The following STON1 variants were observed in gnomAD, a reference collection of about 807,000 sequenced individuals.
STON1 encodes stonin-1.
Under a neutral mutation model 60.9 loss-of-function variants are expected in STON1, and 79 were observed. The observed-to-expected ratio is 1.30, with a 90% CI of 1.08 to 1.56. STON1 has a LOEUF of 1.56. STON1 is among the 40% of genes most tolerant of loss of function. The pLI, the probability that STON1 is intolerant of heterozygous loss-of-function variation, is 0.00. For missense variants in STON1, 1,166 were observed against 858.9 expected (o/e 1.36, Z -4.47); for synonymous variants, 363 against 306.9 (o/e 1.18, Z -1.91).
rs776637856 is a variant in STON1 at position 48,564,733 on chromosome 2, C to CTTTT, written c.-47-15840_-47-15837dup. Among the ~76,000 whole-genome samples the CTTTT allele has an allele frequency of 1.0e-3, 105 of 100,880 alleles. 5 individuals are homozygous for CTTTT. Among genetic ancestry groups the CTTTT allele is most frequent in the Non-Finnish European group, 1.4e-3 (71 of 49,814 alleles). 66.2% of individuals were successfully genotyped at this position (100,880 alleles called of 152,430 possible). A position where few individuals can be genotyped will look rare whatever the true frequency, so the allele number is the denominator to read the frequency against. ...TTATTTCTTCTTTCTTTCTTTCTTT[C>CTTTT]TTTTTTTTTTTTTTTTTAAGATGGA... On this transcript the variant is annotated intron_variant, in intron 1 of 3. Transcript: ENST00000404752.
At chr2:48,556,821 C>T (rs9711314) in intron 1 of STON1, among the ~76,000 whole-genome samples, 6 of 64,740 alleles carry the variant, frequency 9.3e-5, no homozygotes, top group African/African-American at 2.2e-4. Context: ...CCCTCCCGGA[C>T]GGGGCGGCTG....
chr2:48,545,077 A>T (rs746094806), intron 1 of STON1, among the ~76,000 whole-genome samples: 3 of 152,190 alleles, frequency 2.0e-5, no homozygotes, highest in Admixed American at 6.5e-5. Context: ...GGTCATTCTC[A>T]GCAGCACACT....
At chr2:48,551,766 T>C (rs1672117149) in intron 1 of STON1, among the ~76,000 whole-genome samples, 1 of 152,176 alleles carries the variant, frequency 6.6e-6, no homozygotes, top group Non-Finnish European at 1.5e-5. Context: ...TTACCAAACA[T>C]TGATTGGACT....
At chr2:48,542,645 C>CTA (rs1261760481) in intron 1 of STON1, among the ~76,000 whole-genome samples, 1 of 152,154 alleles carries the variant, frequency 6.6e-6, no homozygotes, top group Non-Finnish European at 1.5e-5. Context: ...TGGCTCAAGC[C>CTA]TATAATTCCA....
At chr2:48,585,979 G>C (rs3792238) in intron 2 of STON1, among the ~76,000 whole-genome samples, 93,681 of 152,212 alleles carry the variant, frequency 0.62, 29,224 homozygotes, top group Non-Finnish European at 0.64. Flanking sequence ...CACGTGGTGT[G>C]AGAGGGACAA....
Position 48,591,676 on chromosome 2 carries a change from T to C in STON1, c.1954T>C (p.Ser652Pro). 6.2e-7 allele frequency: 1 copy of C among 1,614,114 alleles called. No homozygotes were observed. The highest frequency in any genetic ancestry group is 8.5e-7 in the Non-Finnish European group (1 of 1,180,028). Residue 652 changes from serine to proline, a missense_variant, in exon 3 of 4, where the codon TCA becomes CCA. By Grantham distance (74) the Ser-to-Pro change is moderately conservative. Coordinates refer to ENST00000404752, the MANE Select transcript of STON1 (RefSeq NM_006873.4). ...NSSLDHPHCLSYKLELGSDQE... is the reference protein window; with the variant it reads ...NSSLDHPHCLPYKLELGSDQE... The stretch of plus-strand genomic sequence containing the variant: ...AGGTCTAGATCATCCCCATTGTCTG[T>C]CATACAAATTAGAGCTTGGATCAGA...
At chr2:48,552,489 G>A (rs932505994) in intron 1 of STON1, among the ~76,000 whole-genome samples, 2 of 152,166 alleles carry the variant, frequency 1.3e-5, no homozygotes, top group Non-Finnish European at 2.9e-5. Flanking sequence ...CAGGCCGGGT[G>A]TGGTGGCTCA....
intron 1 of STON1, among the ~76,000 whole-genome samples, chr2:48,575,299 T>C (rs984684688): frequency 3.9e-5 from 6 of 152,234 alleles, no homozygotes; most frequent in Non-Finnish European, 7.3e-5. Flanking sequence ...CTGTTGACTA[T>C]TGTAAATAAT....
chr2:48,566,980 A>G (rs1420031215), intron 1 of STON1, among the ~76,000 whole-genome samples: 1 of 152,160 alleles, frequency 6.6e-6, no homozygotes, highest in Non-Finnish European at 1.5e-5. Flanking sequence ...ACTATTCTCT[A>G]AATTTAGGAA....
chr2:48,570,338 T>TA (rs1033636588), intron 1 of STON1, among the ~76,000 whole-genome samples: 64 of 145,934 alleles, frequency 4.4e-4, no homozygotes, highest in Middle Eastern at 3.5e-3. Context: ...AGTCTCAAAT[T>TA]AAAAAAAAAA....
At chr2:48,538,584 A>G in intron 1 of STON1, among the ~76,000 whole-genome samples, 1 of 151,204 alleles carries the variant, frequency 6.6e-6, no homozygotes, top group Admixed American at 6.6e-5. Context: ...TATGGTGCTG[A>G]GAATCTAGCT....
At chr2:48,564,489 CTTCTTCTTCTTCTT>C (rs1672797350) in intron 1 of STON1, among the ~76,000 whole-genome samples, 2 of 25,006 alleles carry the variant, frequency 8.0e-5, no homozygotes, top group Admixed American at 4.0e-4. Flanking sequence ...CTTTCTTCTT[CTTCTTCTTCTTCTT>C]CTTCTTCTTC....
chr2:48,591,626 T>C, intron 2 of STON1, 27 bp from the exon 3 acceptor site: 1 of 1,609,686 alleles, frequency 6.2e-7, no homozygotes, highest in Non-Finnish European at 8.5e-7. Context: ...TAAAATACTT[T>C]GACTATTTGA....
At chr2:48,567,286 C>G (rs1337956779) in intron 1 of STON1, among the ~76,000 whole-genome samples, 1 of 152,198 alleles carries the variant, frequency 6.6e-6, no homozygotes, top group Non-Finnish European at 1.5e-5. Context: ...TCTCCCATGA[C>G]CTAAGATGAA....
rs1037620059 is a variant in STON1 at position 48,578,366 on chromosome 2, G to A, written c.-47-2221G>A. 7.2e-5 allele frequency among the ~76,000 whole-genome samples: 11 copies of A among 152,272 alleles called. No individual in the cohort carries two copies. The South Asian group carries it at 2.3e-3, about 32-fold the overall frequency. On this transcript the variant is annotated intron_variant, in intron 1 of 3. Coordinates refer to ENST00000404752, the MANE Select transcript of STON1 (RefSeq NM_006873.4). ...CCACAGGCTACATGTAGTCCAGGAC[G>A]GCTTTGAATGCTGCCTAACACAAAT...
At chr2:48,572,970 G>A (rs1470951469) in intron 1 of STON1, among the ~76,000 whole-genome samples, 1 of 152,238 alleles carries the variant, frequency 6.6e-6, no homozygotes. Context: ...GTGTGTTTTT[G>A]TGCCCTCAGG....
intron 1 of STON1, among the ~76,000 whole-genome samples, chr2:48,550,747 A>T (rs941644694): frequency 6.6e-6 from 1 of 151,606 alleles, no homozygotes; most frequent in Non-Finnish European, 1.5e-5. Context: ...ACTGATGTTT[A>T]TAGCTGCTTT....
intron 2 of STON1, among the ~76,000 whole-genome samples, chr2:48,585,308 T>C (rs866454866): frequency 5.9e-5 from 9 of 152,084 alleles, no homozygotes; most frequent in African/African-American, 2.2e-4. Context: ...AGTGCAGTGG[T>C]GCAATCTTGG....
intron 1 of STON1, among the ~76,000 whole-genome samples, chr2:48,578,023 C>T (rs1673619391): frequency 6.6e-6 from 1 of 152,126 alleles, no homozygotes; most frequent in Admixed American, 6.6e-5. Flanking sequence ...CTCTGTCGCC[C>T]AGGCTGAAGT....
Sources: gnomAD v4.1 joint callset for allele counts (sites outside exome capture counted in the v4.1 genomes callset) on GRCh38, gnomAD v4.1.1 for gene constraint, MANE v1.5 for transcripts, NCBI Gene and HGNC (gene_info 2026-07-23, HGNC 2026-07-21) for gene names.